The following TARS3 variants were observed in gnomAD, a reference collection of about 807,000 sequenced individuals.
TARS3 encodes the protein threonine--tRNA ligase 2, cytoplasmic.
TARS3 carries 94 observed loss-of-function variants against 103.5 expected under a neutral mutation model. The observed-to-expected ratio is 0.91, with a 90% CI of 0.77 to 1.08. The LOEUF (loss-of-function observed/expected upper bound fraction) is 1.08, where lower values mean the gene tolerates loss of function less well. TARS3 is among the 50% of genes least tolerant of loss of function. TARS3 has a pLI of 0.00. For synonymous variants in TARS3, 416 were observed against 355.4 expected, an observed-to-expected ratio of 1.17 and a Z score of -1.92; for missense variants, 952 against 995.2, an observed-to-expected ratio of 0.96 and a Z score of 0.58.
chr15:101,657,092 G>T, intron 17 of TARS3, 56 bp from the exon 18 acceptor site: 1 of 1,171,920 alleles, frequency 8.5e-7, no homozygotes. Context: ...CCTCCAAGAA[G>T]ACCCCGTTGT....
At chr15:101,709,986 T>A (rs1487678137) in intron 5 of TARS3, among the ~76,000 whole-genome samples, 1 of 152,140 alleles carries the variant, frequency 6.6e-6, no homozygotes, top group Non-Finnish European at 1.5e-5. Context: ...CAGGAACTGG[T>A]CACCACAAAG....
Position 101,711,947 on chromosome 15 carries a change from C to T in TARS3, c.745G>A (p.Gly249Arg). ...GGCGGACCGTAGCACAGGTGGCCTC[C>T]ATAGTAAAGCTCCATGGCCTCCCCA... ...ILGEAMELYY[G>R]GHLCYGPPIE... is the part of the protein sequence containing the mutation. The change falls in exon 5 of 19, where the codon GGA becomes AGA. Residue 249 changes from glycine (G) to arginine (R), a missense_variant. Transcript: ENST00000335968. 1 of 1,613,950 alleles carries T rather than the reference C, an allele frequency of 6.2e-7. No homozygotes were observed. The highest frequency in any genetic ancestry group is 8.5e-7 in the Non-Finnish European group (1 of 1,179,822).
chr15:101,689,247 C>A (rs1414134707), intron 10 of TARS3, among the ~76,000 whole-genome samples: 1 of 152,036 alleles, frequency 6.6e-6, no homozygotes, highest in East Asian at 1.9e-4. Flanking sequence ...CAGTGGGGAG[C>A]CTTTGATATC....
chr15:101,664,339 AAGGTTTGACTTTCTCTCTAAT>A (rs1441187775), intron 15 of TARS3: 7 of 152,184 alleles, frequency 4.6e-5, no homozygotes, highest in Non-Finnish European at 8.8e-5. Context: ...ACTGATCCTG[AAGGTTTGACTTTCTCTCTAAT>A]AGTTCTGACC....
At chr15:101,668,175 A>C (rs481945) in intron 15 of TARS3, among the ~76,000 whole-genome samples, 4 of 152,182 alleles carry the variant, frequency 2.6e-5, no homozygotes, top group African/African-American at 9.7e-5. Context: ...CTTTTGGCCT[A>C]TCTGGGCTTT....
intron 10 of TARS3, among the ~76,000 whole-genome samples, chr15:101,698,009 C>A (rs1596313389): frequency 6.6e-6 from 1 of 152,200 alleles, no homozygotes; most frequent in Admixed American, 6.5e-5. Context: ...TTGGATTCCC[C>A]CAGCCTTCTA....
chr15:101,672,721 G>C (rs944680603), intron 13 of TARS3, among the ~76,000 whole-genome samples: 2 of 152,114 alleles, frequency 1.3e-5, no homozygotes, highest in Non-Finnish European at 2.9e-5. Context: ...GCATAGGCCT[G>C]ATCTTACAGA....
intron 17 of TARS3, 61 bp from the exon 18 acceptor site, chr15:101,657,097 C>T (rs918607831): frequency 3.1e-5 from 34 of 1,088,538 alleles, no homozygotes; most frequent in African/African-American, 1.6e-4. Flanking sequence ...AAGAAGACCC[C>T]GTTGTTCCCC....
intron 15 of TARS3, among the ~76,000 whole-genome samples, chr15:101,665,873 G>GT (rs2141385400): frequency 6.6e-6 from 1 of 152,218 alleles, no homozygotes; most frequent in East Asian, 1.9e-4. Context: ...TTAATACAAA[G>GT]TAAAAGTAAG....
chr15:101,680,203 A>T (rs1457709213), intron 12 of TARS3, among the ~76,000 whole-genome samples: 1 of 152,232 alleles, frequency 6.6e-6, no homozygotes, highest in Non-Finnish European at 1.5e-5. Flanking sequence ...GAGCCTGCTG[A>T]GAGTTAAAAT....
intron 3 of TARS3, among the ~76,000 whole-genome samples, chr15:101,720,079 G>C (rs971128933): frequency 1.3e-5 from 2 of 152,154 alleles, no homozygotes; most frequent in African/African-American, 4.8e-5. Context: ...CTCAAAACCT[G>C]TTTTCTCCTA....
At chr15:101,693,545 C>T (rs1364283741) in intron 10 of TARS3, among the ~76,000 whole-genome samples, 1 of 152,122 alleles carries the variant, frequency 6.6e-6, no homozygotes, top group South Asian at 2.1e-4. Context: ...TGAAATCACA[C>T]TCCTAGGTAT....
intron 12 of TARS3, among the ~76,000 whole-genome samples, chr15:101,677,503 T>TC (rs948702673): frequency 6.7e-6 from 1 of 149,170 alleles, no homozygotes; most frequent in Non-Finnish European, 1.5e-5. Context: ...TTCTCCAGCT[T>TC]TTTTTTTTTT....
intron 4 of TARS3, among the ~76,000 whole-genome samples, chr15:101,714,338 T>C (rs1199672389): frequency 6.6e-6 from 1 of 152,122 alleles, no homozygotes; most frequent in Non-Finnish European, 1.5e-5. Context: ...GCACAGTGGC[T>C]CACACCTGTA....
At chr15:101,697,366 C>T (rs897274263) in intron 10 of TARS3, among the ~76,000 whole-genome samples, 8 of 152,110 alleles carry the variant, frequency 5.3e-5, no homozygotes, top group African/African-American at 1.9e-4. Context: ...GTAACACTGT[C>T]ACCAGAAGTA....
intron 12 of TARS3, 74 bp from the exon 13 acceptor site, chr15:101,675,811 T>G: frequency 2.0e-6 from 3 of 1,472,154 alleles, no homozygotes; most frequent in Non-Finnish European, 2.8e-6. Flanking sequence ...CAATTCTTCA[T>G]GTCAGACAGA....
Position 101,660,897 on chromosome 15 carries a change from G to A in TARS3, c.2072+815C>T, listed in dbSNP as rs184603818. 8.5e-5 allele frequency among the ~76,000 whole-genome samples: 13 copies of A among 152,340 alleles called. No individual in the cohort carries two copies. In the East Asian group the frequency reaches 2.1e-3, roughly 25 times the overall value. Reference sequence around the variant, plus strand: ...GAATACTGAAAAATTCCTCAACAGCGGGGGCCTTTTGGTGGCAATACCACC... The same window carrying A: ...GAATACTGAAAAATTCCTCAACAGCAGGGGCCTTTTGGTGGCAATACCACC... On this transcript the variant is annotated intron_variant, in intron 16 of 18. Transcript: ENST00000335968.
intron 10 of TARS3, among the ~76,000 whole-genome samples, chr15:101,700,522 A>G (rs1269794561): frequency 6.6e-6 from 1 of 152,162 alleles, no homozygotes; most frequent in Non-Finnish European, 1.5e-5. Flanking sequence ...TTACCTTTAT[A>G]TTCTACATGG....
At chr15:101,704,320 C>T (rs771835835) in intron 7 of TARS3, among the ~76,000 whole-genome samples, 29 of 152,224 alleles carry the variant, frequency 1.9e-4, no homozygotes, top group Non-Finnish European at 3.4e-4. Flanking sequence ...GGAAGGAATG[C>T]CAAATTAGCA....
Sources: gnomAD v4.1 joint callset for allele counts (sites outside exome capture counted in the v4.1 genomes callset) on GRCh38, gnomAD v4.1.1 for gene constraint, MANE v1.5 for transcripts, NCBI Gene and HGNC (gene_info 2026-07-23, HGNC 2026-07-21) for gene names.